The following SPECC1 variants were observed in gnomAD, a reference collection of about 807,000 sequenced individuals.
SPECC1 encodes the protein cytospin-B.
Under a neutral mutation model 104.1 loss-of-function variants are expected in SPECC1, and 62 were observed. That is an observed-to-expected ratio of 0.60 (90% confidence interval 0.49 to 0.74). The LOEUF (loss-of-function observed/expected upper bound fraction) is 0.74, where lower values mean the gene tolerates loss of function less well. Among genes scored for constraint, SPECC1 ranks in the 30% least tolerant of loss-of-function variants. The pLI is 0.00. For synonymous variants in SPECC1, 513 were observed against 501.6 expected (o/e 1.02, Z -0.30); for missense variants, 1,306 against 1,310.5 (o/e 1.00, Z 0.05).
chr17:20,112,195 G>A (rs2048527958), intron 3 of SPECC1: 3 of 764,158 alleles, frequency 3.9e-6, no homozygotes, highest in Non-Finnish European at 4.9e-6. Flanking sequence ...GGACAAAGAT[G>A]TCTGGGAAAT....
intron 3 of SPECC1, among the ~76,000 whole-genome samples, chr17:20,161,908 C>T (rs2033191836): frequency 6.6e-6 from 1 of 151,612 alleles, no homozygotes. Flanking sequence ...GATTCTCCTG[C>T]CTCAGCCTCT....
Position 20,205,432 on chromosome 17 carries a change from A to G in SPECC1, c.1383A>G (p.Gly461=), listed in dbSNP as rs772237415. The G allele has an allele frequency of 1.3e-5, 21 of 1,613,992 alleles. No homozygotes were observed. Among genetic ancestry groups the G allele is most frequent in the Non-Finnish European group, 1.6e-5 (19 of 1,180,036 alleles). Residue 461 remains glycine (G), a synonymous_variant, in exon 4 of 15, where the codon GGA becomes GGG. Transcript: ENST00000395527. ...ATGAAGAGCCCACCACTCAGGAAGG[A>G]AAAATTATTGAACTGGAGCAGAAGT... is the stretch of plus-strand genomic sequence containing the variant. The part of the protein sequence containing the change: ...VKNEEPTTQE[G]KIIELEQKCT...
rs969773146 is a variant in SPECC1, at chr17:20,227,633, T to C, written c.2071+13T>C. 1.2e-6 allele frequency: 2 copies of C among 1,609,872 alleles called. No homozygotes were observed. The highest frequency in any genetic ancestry group is 2.7e-5 in the African/African-American group (2 of 74,614). ...AGTGAGCTAGAAAGTAAGTGGGGTC[T>C]GCCAGGCATGGTGGCTCACACCTAT... On this transcript the variant is annotated intron_variant, in intron 5 of 14. Transcript: ENST00000395527.
At chr17:20,291,800 C>T (rs2041175800) in intron 12 of SPECC1, among the ~76,000 whole-genome samples, 1 of 152,024 alleles carries the variant, frequency 6.6e-6, no homozygotes, top group South Asian at 2.1e-4. Context: ...CTGCATTGGC[C>T]TCCCAAAGTT....
At chr17:20,254,528 CT>C in intron 10 of SPECC1, among the ~76,000 whole-genome samples, 1 of 152,302 alleles carries the variant, frequency 6.6e-6, no homozygotes, top group African/African-American at 2.4e-5. Context: ...CACATCTCAC[CT>C]GCTGTTCTCT....
intron 2 of SPECC1, among the ~76,000 whole-genome samples, chr17:20,100,533 T>C (rs895168636): frequency 5.3e-5 from 8 of 152,154 alleles, no homozygotes; most frequent in African/African-American, 1.4e-4. Context: ...CTATATTTGC[T>C]TTATAGGAAA....
At chr17:20,082,231 C>T (rs2047002635) in intron 1 of SPECC1, among the ~76,000 whole-genome samples, 1 of 152,178 alleles carries the variant, frequency 6.6e-6, no homozygotes, top group East Asian at 1.9e-4. Context: ...ACCCATCCTT[C>T]AGAGTTGTAT....
chr17:20,082,501 G>GT (rs2047013265), intron 1 of SPECC1, among the ~76,000 whole-genome samples: 1 of 152,104 alleles, frequency 6.6e-6, no homozygotes, highest in South Asian at 2.1e-4. Flanking sequence ...AGAGGCTGAG[G>GT]TGGGAGGGTT....
intron 3 of SPECC1, among the ~76,000 whole-genome samples, chr17:20,156,576 G>C (rs2032565070): frequency 6.6e-6 from 1 of 152,164 alleles, no homozygotes; most frequent in African/African-American, 2.4e-5. Flanking sequence ...CTTTCCGGGC[G>C]TTTGCGGGGA....
Position 20,116,734 on chromosome 17 carries a change from G to A in SPECC1, c.283+6172G>A, listed in dbSNP as rs368070870. Among the ~76,000 whole-genome samples, 30 of 146,750 alleles carry A rather than the reference G, an allele frequency of 2.0e-4. No individual in the cohort carries two copies. The East Asian group carries it at 5.2e-3, about 25-fold the overall frequency. Reference sequence around the variant, plus strand: ...AATAACTGGAATTTATCTAAAACCCGTTGTTCTCAATGGGGGACGATTTTG... The same window carrying A: ...AATAACTGGAATTTATCTAAAACCCATTGTTCTCAATGGGGGACGATTTTG... On this transcript the variant is annotated intron_variant, in intron 3 of 14. Transcript: ENST00000395527.
At chr17:20,219,006 C>T (rs1359494100) in intron 4 of SPECC1, among the ~76,000 whole-genome samples, 2 of 152,106 alleles carry the variant, frequency 1.3e-5, no homozygotes, top group African/African-American at 2.4e-5. Flanking sequence ...TGGCTGAATA[C>T]TCTGTTGTGT....
Position 20,204,581 on chromosome 17 carries a change from A to G in SPECC1, c.532A>G (p.Lys178Glu), listed in dbSNP as rs2036646083. The G allele has an allele frequency of 3.1e-6, 5 of 1,614,218 alleles. No individual in the cohort carries two copies. The highest frequency in any genetic ancestry group is 4.2e-6 in the Non-Finnish European group (5 of 1,180,042). Residue 178 changes from lysine (K) to glutamate (E), a missense_variant, in exon 4 of 15, where the codon AAA becomes GAA. By Grantham distance (56) the Lys-to-Glu change is moderately conservative. Around this residue, in one of 2 missense-constraint regions of SPECC1, gnomAD observed 1,177 missense variants for 1,139.9 expected, o/e 1.03. Transcript: ENST00000395527. ...AGTTCGGGAACTTTTGGCAGAAGCC[A>G]AAGCAAAAGATAGTGAAATTAACAG... ...SQVRELLAEA[K>E]AKDSEINRLR...
rs1252277881 is a variant in SPECC1, at chr17:20,315,545, C to T, written c.*1480C>T. 1 of 232,804 alleles carries T rather than the reference C, an allele frequency of 4.3e-6. No individual in the cohort carries two copies. Among genetic ancestry groups the T allele is most frequent in the Non-Finnish European group, 8.5e-6 (1 of 117,898 alleles). The allele number at this position is 232,804 out of a possible 1,614,324, so 14.4% of individuals were successfully genotyped here. A position where few individuals can be genotyped will look rare whatever the true frequency, so the allele number is the denominator to read the frequency against. ...TAAGTGCCAAATAGCGTGTTAGCGC[C>T]CCTCCAACAAAGGATCATCCTTCCA... is the stretch of plus-strand genomic sequence containing the variant. On this transcript the variant is annotated 3_prime_UTR_variant, in exon 15 of 15. Coordinates refer to ENST00000395527, the MANE Select transcript of SPECC1 (RefSeq NM_001243439.2).
chr17:20,232,098 T>C, intron 6 of SPECC1, 102 bp from the exon 7 acceptor site: 1 of 1,369,478 alleles, frequency 7.3e-7, no homozygotes, highest in Admixed American at 1.8e-5. Context: ...CAAGCACTGA[T>C]GGCATTTTTT....
chr17:20,154,690 C>A (rs1242763285), intron 3 of SPECC1, among the ~76,000 whole-genome samples: 1 of 152,182 alleles, frequency 6.6e-6, no homozygotes, highest in Non-Finnish European at 1.5e-5. Context: ...GCATCACTCT[C>A]ACTGTATGTG....
intron 12 of SPECC1, chr17:20,290,223 C>T (rs2041117496): frequency 1.3e-5 from 2 of 152,114 alleles, no homozygotes; most frequent in African/African-American, 4.8e-5. Flanking sequence ...TAGTCTCAAC[C>T]TGTGACCCAT....
intron 1 of SPECC1, among the ~76,000 whole-genome samples, chr17:20,044,448 A>G (rs947963177): frequency 1.3e-5 from 2 of 152,122 alleles, no homozygotes; most frequent in Admixed American, 1.3e-4. Flanking sequence ...CTCTGCTACT[A>G]TATAGTTTTA....
At chr17:20,269,862 A>G (rs762457968) in intron 12 of SPECC1, among the ~76,000 whole-genome samples, 20 of 152,194 alleles carry the variant, frequency 1.3e-4, no homozygotes, top group Non-Finnish European at 2.8e-4. Flanking sequence ...AGCCGTGGCC[A>G]TGACTCCATG....
chr17:20,134,595 G>A (rs948382449), intron 3 of SPECC1, among the ~76,000 whole-genome samples: 3 of 152,114 alleles, frequency 2.0e-5, no homozygotes, highest in African/African-American at 7.2e-5. Context: ...GTTGAGAAAG[G>A]TACTTCTTAT....
Sources: allele counts gnomAD v4.1 joint callset (sites outside exome capture counted in the v4.1 genomes callset), GRCh38; gene constraint gnomAD v4.1.1; regional missense constraint gnomAD v4.1.1; transcripts MANE v1.5; gene names NCBI Gene and HGNC (gene_info 2026-07-23, HGNC 2026-07-21).